DNAJB11: variants seen among roughly 807,000 people sequenced by gnomAD.
DNAJB11 encodes the protein DnaJ heat shock protein family (Hsp40) member B11.
A neutral mutation model predicts 47.2 loss-of-function variants in DNAJB11; 30 were observed. The observed-to-expected ratio is 0.64, with a 90% CI of 0.48 to 0.86. The LOEUF (loss-of-function observed/expected upper bound fraction) is 0.86. DNAJB11 is among the 40% of genes least tolerant of loss of function. The pLI is 0.00. For synonymous variants in DNAJB11, 151 were observed against 159.9 expected, an observed-to-expected ratio of 0.94 and a Z score of 0.42; for missense variants, 357 against 440.2, an observed-to-expected ratio of 0.81 and a Z score of 1.69.
chr3:186,574,039 C>T (rs774513252), intron 2 of DNAJB11, among the ~76,000 whole-genome samples: 1 of 152,098 alleles, frequency 6.6e-6, no homozygotes, highest in South Asian at 2.1e-4. Context: ...TGCCTTTAGT[C>T]TTAGGTAAAT....
At chr3:186,584,062 A>G in intron 8 of DNAJB11, 86 bp downstream of exon 8, 2 of 946,426 alleles carry the variant, frequency 2.1e-6, no homozygotes, top group Non-Finnish European at 3.4e-6. Context: ...TCAGTCATTG[A>G]GAACCAGATG....
intron 6 of DNAJB11, among the ~76,000 whole-genome samples, chr3:186,582,466 C>G (rs1715518016): frequency 6.6e-6 from 1 of 152,150 alleles, no homozygotes; most frequent in South Asian, 2.1e-4. Context: ...AGCTTTAAGA[C>G]TTAGGTTCAG....
In DNAJB11 at chr3:186,585,328, T is replaced by G; in HGVS notation, c.1013-16T>G. On this transcript the variant is annotated splice_polypyrimidine_tract_variant and intron_variant, in intron 9 of 9. Transcript: ENST00000265028. ...ATTTTTTTGTTAATGGAGTCATTTG[T>G]TCATTCTTTCTTCAGGTATCAAACA... 1 of 1,607,018 alleles carries G rather than the reference T, an allele frequency of 6.2e-7. No homozygotes were observed. The highest frequency in any genetic ancestry group is 8.5e-7 in the Non-Finnish European group (1 of 1,176,360).
chr3:186,570,881 C>T lies in DNAJB11; in HGVS notation c.-17C>T. The T allele has an allele frequency of 1.9e-6, 3 of 1,601,458 alleles. No homozygotes were observed. The highest frequency in any genetic ancestry group is 2.6e-6 in the Non-Finnish European group (3 of 1,173,842). On this transcript the variant is annotated 5_prime_UTR_variant, in exon 1 of 10. Transcript: ENST00000265028. ...GCTGTGAGGAGTGTGTGGAACAGGA[C>T]CCGGGACAGAGGAACCATGGCTCCG...
In DNAJB11 at chr3:186,572,231, G is replaced by A. The variant is rs768969008; in HGVS notation, c.205G>A (p.Asp69Asn). The A allele has an allele frequency of 4.3e-6, 7 of 1,610,538 alleles. No homozygotes were observed. The East Asian group carries it at 1.3e-4, about 31-fold the overall frequency. The change falls in exon 2 of 10, where the codon GAT (aspartate) becomes AAT (asparagine). Residue 69 changes from aspartate to asparagine, a missense_variant. Physicochemically the swap from Asp to Asn is conservative, Grantham distance 23. Coordinates refer to ENST00000265028, the MANE Select transcript of DNAJB11 (RefSeq NM_016306.6). ...DDPQAQEKFQ[D>N]LGAAYEVLSD... is the part of the protein sequence containing the mutation. ...TCCACAAGCCCAGGAGAAATTCCAGGATCTGGGTGCTGCTTATGAGGTGAG... is the reference window on the plus strand; with the variant it reads ...TCCACAAGCCCAGGAGAAATTCCAGAATCTGGGTGCTGCTTATGAGGTGAG...
intron 4 of DNAJB11, chr3:186,580,516 C>A (rs1715447854): frequency 6.6e-6 from 1 of 152,200 alleles, no homozygotes; most frequent in Admixed American, 6.5e-5. Context: ...GTACCTGTCT[C>A]ATAGAGTTGT....
chr3:186,570,952 G>T lies in DNAJB11; in HGVS notation c.55G>T (p.Ala19Ser). The change falls in exon 1 of 10, where the codon GCG becomes TCG. Residue 19 changes from alanine (A) to serine (S), a missense_variant. Ala to Ser is a moderately conservative substitution (Grantham distance 99). Coordinates refer to ENST00000265028, the MANE Select transcript of DNAJB11 (RefSeq NM_016306.6). ...FCLLLLYLIG[A>S]VIAGRDFYKI... ...CCTGTTGCTGCTATACCTCATCGGG[G>T]CGGTGATTGCCGGGTGAGGAACAGA... The T allele has an allele frequency of 1.3e-6, 2 of 1,596,304 alleles. No homozygotes were observed. The highest frequency in any genetic ancestry group is 1.7e-6 in the Non-Finnish European group (2 of 1,171,800).
intron 7 of DNAJB11, 81 bp downstream of exon 7, chr3:186,582,854 T>G: frequency 1.0e-6 from 1 of 993,082 alleles, no homozygotes; most frequent in South Asian, 1.4e-5. Flanking sequence ...GTTAGACTTT[T>G]TTCTCTGTTT....
chr3:186,585,394 C>T lies in DNAJB11; in HGVS notation c.1063C>T (p.Leu355=), dbSNP rs1167285415. 6.8e-6 allele frequency: 11 copies of T among 1,609,228 alleles called. No homozygotes were observed. The highest frequency in any genetic ancestry group is 9.3e-6 in the Non-Finnish European group (11 of 1,177,828). The change falls in exon 10 of 10, where the codon CTG becomes TTG. Residue 355 remains leucine (L), a synonymous_variant. Coordinates refer to ENST00000265028, the MANE Select transcript of DNAJB11 (RefSeq NM_016306.6). ...GTCAGTGCAGAAGGTATACAATGGA[C>T]TGCAAGGATATTGAGAGTGAATAAA... ...QGSVQKVYNG[L]QGY
intron 1 of DNAJB11, 57 bp downstream of exon 1, chr3:186,571,022 T>TGGGTTGGGGGGGGGGG: frequency 9.6e-6 from 2 of 208,310 alleles, no homozygotes; most frequent in East Asian, 2.0e-4. Flanking sequence ...TGCTGGGGGG[T>TGGGTTGGGGGGGGGGG]GGGAGGGGGT....
At chr3:186,582,851 T>G (rs549006713) in intron 7 of DNAJB11, 78 bp downstream of exon 7, 14 of 1,043,560 alleles carry the variant, frequency 1.3e-5, no homozygotes, top group Non-Finnish European at 2.0e-5. Context: ...GCAGTTAGAC[T>G]TTTTTCTCTG....
intron 2 of DNAJB11, among the ~76,000 whole-genome samples, chr3:186,575,145 A>G (rs1715222258): frequency 6.6e-6 from 1 of 152,234 alleles, no homozygotes; most frequent in Admixed American, 6.5e-5. Flanking sequence ...AATAACCTTC[A>G]TAGAGTATTT....
At chr3:186,582,984 T>C (rs1476557828) in intron 7 of DNAJB11, among the ~76,000 whole-genome samples, 1 of 152,134 alleles carries the variant, frequency 6.6e-6, no homozygotes, top group East Asian at 1.9e-4. Context: ...ATGCAAAAGA[T>C]GTTGAAAGGA....
At chr3:186,583,827 GT>G in intron 7 of DNAJB11, 37 bp from the exon 8 acceptor site, 1 of 1,495,102 alleles carries the variant, frequency 6.7e-7, no homozygotes, top group Non-Finnish European at 9.3e-7. Flanking sequence ...TGAACTTAAA[GT>G]TGGAAATTAA....
chr3:186,575,150 G>A (rs910068476), intron 2 of DNAJB11, among the ~76,000 whole-genome samples: 2 of 152,022 alleles, frequency 1.3e-5, no homozygotes, highest in Non-Finnish European at 2.9e-5. Context: ...CCTTCATAGA[G>A]TATTTTTACT....
At chr3:186,571,816 C>T (rs1207150744) in intron 1 of DNAJB11, among the ~76,000 whole-genome samples, 4 of 152,144 alleles carry the variant, frequency 2.6e-5, no homozygotes, top group Non-Finnish European at 5.9e-5. Context: ...GTTTTCTTGA[C>T]CGAAGGTGGT....
chr3:186,584,623 T>TGTGTG, intron 9 of DNAJB11, 34 bp downstream of exon 9: 5 of 362,650 alleles, frequency 1.4e-5, no homozygotes, highest in South Asian at 1.2e-4. Flanking sequence ...GTGTGTGTGT[T>TGTGTG]TGTGTGTGTG....
intron 8 of DNAJB11, 117 bp from the exon 9 acceptor site, chr3:186,584,313 A>G: frequency 9.4e-7 from 1 of 1,059,878 alleles, no homozygotes. Context: ...TTGCTCCTTC[A>G]TTCTTTCTTT....
rs1715021727 is a variant in DNAJB11 at position 186,570,937 on chromosome 3, C to G, written c.40C>G (p.Leu14Val). ...QNLSTFCLLL[L>V]YLIGAVIAGR... Reference sequence around the variant, plus strand: ...CCTGAGCACCTTTTGCCTGTTGCTGCTATACCTCATCGGGGCGGTGATTGC... The same window carrying G: ...CCTGAGCACCTTTTGCCTGTTGCTGGTATACCTCATCGGGGCGGTGATTGC... The change falls in exon 1 of 10, where the codon CTA (leucine) becomes GTA (valine). Residue 14 changes from leucine to valine, a missense_variant. Transcript: ENST00000265028. 6.3e-7 allele frequency: 1 copy of G among 1,586,268 alleles called. No homozygotes were observed. The highest frequency in any genetic ancestry group is 8.6e-7 in the Non-Finnish European group (1 of 1,164,206).
Sources: allele counts gnomAD v4.1 joint callset (sites outside exome capture counted in the v4.1 genomes callset), GRCh38; gene constraint gnomAD v4.1.1; transcripts MANE v1.5; gene names NCBI Gene and HGNC (gene_info 2026-07-23, HGNC 2026-07-21).